Variants in PAK1 observed in about 807,000 individuals in gnomAD.
PAK1 encodes the protein serine/threonine-protein kinase PAK 1.
A neutral mutation model predicts 67.4 loss-of-function variants in PAK1; 29 were observed. The ratio of observed to expected loss-of-function variants is 0.43; its 90% CI spans 0.32 to 0.59. The LOEUF is 0.59. Among genes scored for constraint, PAK1 ranks in the 20% least tolerant of loss-of-function variants. PAK1 has a pLI of 0.07. For synonymous variants in PAK1, 223 were observed against 237.4 expected, an observed-to-expected ratio of 0.94 and a Z score of 0.56; for missense variants, 337 against 670.7, an observed-to-expected ratio of 0.50 and a Z score of 5.50.
intron 1 of PAK1, chr11:77,412,081 GAC>G (rs1374831754): frequency 1.3e-5 from 2 of 152,268 alleles, no homozygotes; most frequent in East Asian, 1.9e-4. Context: ...AGGGCGGGGA[GAC>G]AGCTATCTTC....
chr11:77,490,505 T>G, the PAK1 span, among the ~76,000 whole-genome samples: 7 of 100,842 alleles, frequency 6.9e-5, no homozygotes, highest in South Asian at 3.2e-4. Context: ...GGGAGGGAGG[T>G]GGGGGGTCAG....
At chr11:77,442,381 C>G (rs1207243148) in intron 1 of PAK1, among the ~76,000 whole-genome samples, 1 of 152,166 alleles carries the variant, frequency 6.6e-6, no homozygotes, top group Admixed American at 6.5e-5. Context: ...TTTGATTACT[C>G]TCCTCTCTCT....
rs759227026 is a variant in PAK1, at chr11:77,340,641, C to T, written c.1116+5G>A. On this transcript the variant is annotated splice_donor_5th_base_variant and intron_variant, in intron 11 of 14. Transcript: ENST00000356341. ...TACCCAAGACTGCTTGGCCCTTGGC[C>T]TTACCTCACGGCACACAGCTGCAAT... The T allele has an allele frequency of 2.0e-6, 3 of 1,505,904 alleles. No individual in the cohort carries two copies. In the African/African-American group the frequency reaches 4.1e-5, roughly 21 times the overall value. The allele number at this position is 1,505,904 out of a possible 1,614,324, so 93.3% of individuals were successfully genotyped here. A position where few individuals can be genotyped will look rare whatever the true frequency, so the allele number is the denominator to read the frequency against.
intron 11 of PAK1, among the ~76,000 whole-genome samples, 174 bp from the exon 12 acceptor site, chr11:77,337,597 TC>T (rs1411154393): frequency 6.6e-6 from 1 of 152,196 alleles, no homozygotes; most frequent in East Asian, 1.9e-4. Context: ...AAACAAGTCT[TC>T]CATCTCCTAG....
At chr11:77,463,896 G>A (rs956890881) in intron 1 of PAK1, among the ~76,000 whole-genome samples, 1 of 152,068 alleles carries the variant, frequency 6.6e-6, no homozygotes, top group Non-Finnish European at 1.5e-5. Flanking sequence ...TGAAAGATAC[G>A]GTTAGCCTTA....
chr11:77,425,548 G>A (rs946635408), intron 1 of PAK1, among the ~76,000 whole-genome samples: 1 of 152,022 alleles, frequency 6.6e-6, no homozygotes, highest in African/African-American at 2.4e-5. Context: ...GCACCCTCCT[G>A]GACCACTCCC....
In PAK1 at chr11:77,370,140, T is replaced by C. The variant is rs375363377; in HGVS notation, c.477+4188A>G. On this transcript the variant is annotated intron_variant, in intron 5 of 14. Transcript: ENST00000356341. ...ATAGATGGTTATTGGCAAGTGTTAC[T>C]TTAGGGTATGTAGGCATGGAAAAGT... Among the ~76,000 whole-genome samples, 21 of 152,324 alleles carry C rather than the reference T, an allele frequency of 1.4e-4. No homozygotes were observed. In the East Asian group the frequency reaches 2.9e-3, roughly 21 times the overall value.
At chr11:77,369,667 C>T (rs520938) in intron 5 of PAK1, among the ~76,000 whole-genome samples, 36,566 of 151,628 alleles carry the variant, frequency 0.24, 5,019 homozygotes, top group Non-Finnish European at 0.31. Flanking sequence ...AGGCTGGTCT[C>T]GAACTCCTGA....
In PAK1 at chr11:77,345,696, T is replaced by C. The variant is rs547037394; in HGVS notation, c.886-1765A>G. ...CTTTGGAGTGGGGTTTCCTGTTAGGTCAGGCTTCTGGTCTGGCTGCAGCTG... is the reference window on the plus strand; with the variant it reads ...CTTTGGAGTGGGGTTTCCTGTTAGGCCAGGCTTCTGGTCTGGCTGCAGCTG... On this transcript the variant is annotated intron_variant, in intron 9 of 14. Coordinates refer to ENST00000356341, the MANE Select transcript of PAK1 (RefSeq NM_002576.5). Among the ~76,000 whole-genome samples, 8 of 152,358 alleles carry C rather than the reference T, an allele frequency of 5.3e-5. No homozygotes were observed. In the South Asian group the frequency reaches 1.7e-3, roughly 32 times the overall value.
chr11:77,505,467 C>T, the PAK1 span, among the ~76,000 whole-genome samples: 8 of 152,312 alleles, frequency 5.3e-5, no homozygotes, highest in South Asian at 2.1e-4. Context: ...AGATTACAGG[C>T]GTAAGGTAAC....
the PAK1 span, among the ~76,000 whole-genome samples, chr11:77,489,430 C>T: frequency 8.8e-5 from 13 of 147,686 alleles, no homozygotes; most frequent in Non-Finnish European, 1.5e-4. Flanking sequence ...CTCTCTCTCC[C>T]CTCTCCCCTC....
rs374688372 is a variant in PAK1 at position 77,374,253 on chromosome 11, C to A, written c.477+75G>T. 4.8e-5 allele frequency: 46 copies of A among 958,070 alleles called. No individual in the cohort carries two copies. In the African/African-American group the frequency reaches 6.0e-4, roughly 13 times the overall value. 59.3% of individuals were successfully genotyped at this position (958,070 alleles called of 1,614,324 possible). A position where few individuals can be genotyped will look rare whatever the true frequency, so the allele number is the denominator to read the frequency against. On this transcript the variant is annotated intron_variant, in intron 5 of 14. Transcript: ENST00000356341. ...TAATATGAGTGCCTCCCAGCTCAGG[C>A]TCTGCCTCTACCACACTGTCTTGAT...
intron 1 of PAK1, among the ~76,000 whole-genome samples, chr11:77,448,530 G>A (rs1005624279): frequency 6.6e-6 from 1 of 152,234 alleles, no homozygotes; most frequent in Non-Finnish European, 1.5e-5. Context: ...AATTCTGCCT[G>A]GCACAGGAGG....
chr11:77,394,071 C>A (rs1358246604), intron 1 of PAK1, among the ~76,000 whole-genome samples: 1 of 152,132 alleles, frequency 6.6e-6, no homozygotes, highest in East Asian at 1.9e-4. Context: ...ATGTTATTAT[C>A]TTAAATAAAC....
intron 6 of PAK1, 135 bp downstream of exon 6, chr11:77,358,763 G>C: frequency 1.2e-6 from 1 of 804,486 alleles, no homozygotes; most frequent in Non-Finnish European, 2.1e-6. Flanking sequence ...AGTCAAGGTA[G>C]TTCAGTGATT....
chr11:77,463,835 C>A (rs1957472518), intron 1 of PAK1, among the ~76,000 whole-genome samples: 1 of 144,824 alleles, frequency 6.9e-6, no homozygotes, highest in Non-Finnish European at 1.5e-5. Flanking sequence ...TATACAACAG[C>A]CATAATTTTT....
chr11:77,470,956 A>C (rs557318032), intron 1 of PAK1, among the ~76,000 whole-genome samples: 1 of 152,324 alleles, frequency 6.6e-6, no homozygotes, highest in South Asian at 2.1e-4. Context: ...AAATGTTAGG[A>C]TCCCCTTGGA....
chr11:77,341,506 A>G (rs537792806), intron 10 of PAK1, among the ~76,000 whole-genome samples: 12 of 152,292 alleles, frequency 7.9e-5, no homozygotes, highest in South Asian at 4.1e-4. Context: ...ATATCCCCAG[A>G]GAGATTATGG....
chr11:77,327,848 TAA>T (rs1940418659), intron 14 of PAK1, among the ~76,000 whole-genome samples: 2 of 152,084 alleles, frequency 1.3e-5, no homozygotes, highest in African/African-American at 4.8e-5. Context: ...GCAGACTGGA[TAA>T]AGAGTCAGGA....
Sources: gnomAD v4.1 joint callset for allele counts (sites outside exome capture counted in the v4.1 genomes callset) on GRCh38, gnomAD v4.1.1 for gene constraint, MANE v1.5 for transcripts, NCBI Gene and HGNC (gene_info 2026-07-23, HGNC 2026-07-21) for gene names.